The following CAT variants were observed in gnomAD, a reference collection of about 807,000 sequenced individuals.
CAT encodes the protein epididymis secretory sperm binding protein.
In CAT, 43 loss-of-function variants were observed where a neutral mutation model predicts 59.0. The observed-to-expected ratio is 0.73, with a 90% CI of 0.57 to 0.94. CAT has a LOEUF of 0.94. Ranked by LOEUF, CAT falls within the 40% of genes least tolerant of loss-of-function variation. The probability of loss-of-function intolerance (pLI) is 0.00; values close to 1 mark genes in which losing one functional copy is unlikely to be tolerated. For synonymous variants in CAT, 218 were observed against 230.9 expected (o/e 0.94, Z 0.51); for missense variants, 664 against 682.9 (o/e 0.97, Z 0.31).
chr11:34,466,697 C>T (rs1360062335), intron 10 of CAT, among the ~76,000 whole-genome samples: 32 of 143,094 alleles, frequency 2.2e-4, no homozygotes, highest in Non-Finnish European at 4.4e-4. Flanking sequence ...AGGAGAATGG[C>T]GTGAACCCGG....
At chr11:34,467,281 C>T (rs774196161) in intron 10 of CAT, among the ~76,000 whole-genome samples, 3 of 152,114 alleles carry the variant, frequency 2.0e-5, no homozygotes, top group Non-Finnish European at 4.4e-5. Flanking sequence ...TCGATGTTTT[C>T]ACGCAATATG....
chr11:34,446,521 T>G (rs539278705), intron 1 of CAT, among the ~76,000 whole-genome samples: 26 of 152,202 alleles, frequency 1.7e-4, no homozygotes, highest in Non-Finnish European at 3.4e-4. Context: ...TTTATCCAAC[T>G]CTGCACCTGC....
chr11:34,450,983 G>A lies in CAT; in HGVS notation c.239-5G>A, dbSNP rs34503767. The A allele has an allele frequency of 8.6e-4, 1,377 of 1,592,782 alleles. 10 individuals carry two copies. In the East Asian group the frequency reaches 0.012, roughly 14 times the overall value. ...TGGTAAGGATTTCTGTGTCTTTCTC[G>A]TTAGGGGCCTTTGGCTACTTTGAGG... On this transcript the variant is annotated splice_region_variant and splice_polypyrimidine_tract_variant and intron_variant, in intron 2 of 12. Transcript: ENST00000241052.
intron 1 of CAT, among the ~76,000 whole-genome samples, chr11:34,445,511 A>G (rs1338767161): frequency 6.7e-6 from 1 of 150,340 alleles, no homozygotes; most frequent in Non-Finnish European, 1.5e-5. Context: ...AAAAAAAAAA[A>G]AAAAAAAAAA....
intron 1 of CAT, 127 bp downstream of exon 1, chr11:34,439,206 G>C: frequency 1.1e-6 from 1 of 907,544 alleles, no homozygotes. Context: ...TGGGCAGGGG[G>C]GATCCCCTTC....
chr11:34,461,692 A>G (rs1237307474), intron 9 of CAT, among the ~76,000 whole-genome samples: 5 of 152,244 alleles, frequency 3.3e-5, no homozygotes, highest in South Asian at 2.1e-4. Context: ...GAGTACAGTA[A>G]CATCCAGCTT....
At position 34,464,216 on chromosome 11, in the gene CAT, A is replaced by T. The variant is rs1293014979; in HGVS notation, c.1307A>T (p.Asn436Ile). The T allele has an allele frequency of 1.2e-6, 2 of 1,614,134 alleles. No individual in the cohort carries two copies. The highest frequency in any genetic ancestry group is 8.5e-7 in the Non-Finnish European group (1 of 1,179,968). The change falls in exon 10 of 13, where the codon AAT becomes ATT. Residue 436 changes from asparagine (N) to isoleucine (I), a missense_variant. Physicochemically the swap from Asn to Ile is moderately radical, Grantham distance 149. Coordinates refer to ENST00000241052, the MANE Select transcript of CAT (RefSeq NM_001752.4). Reference sequence around the variant, plus strand: ...GAAGTGCGGAGATTCAACACTGCCAATGATGATAACGTTACTCAGGTAATG... The same window carrying T: ...GAAGTGCGGAGATTCAACACTGCCATTGATGATAACGTTACTCAGGTAATG... ...SGEVRRFNTA[N>I]DDNVTQVRAF...
chr11:34,471,147 C>T (rs1856768707), intron 12 of CAT, 106 bp downstream of exon 12: 2 of 1,007,620 alleles, frequency 2.0e-6, no homozygotes, highest in East Asian at 2.4e-5. Flanking sequence ...CATTACCTGC[C>T]ACTGTTAGAT....
At chr11:34,459,902 G>A (rs576396816) in intron 8 of CAT, among the ~76,000 whole-genome samples, 31 of 152,310 alleles carry the variant, frequency 2.0e-4, no homozygotes, top group African/African-American at 7.5e-4. Context: ...GGTCATGGCC[G>A]CATGGCTAGT....
chr11:34,449,477 G>A (rs1856497100), intron 2 of CAT, 114 bp downstream of exon 2: 5 of 890,728 alleles, frequency 5.6e-6, no homozygotes, highest in Non-Finnish European at 8.9e-6. Context: ...CCATTTGTGG[G>A]AGAAAGGAAA....
rs987019048 is a variant in CAT at position 34,452,141 on chromosome 11, A to T, written c.414A>T (p.Thr138=). The T allele has an allele frequency of 6.2e-7, 1 of 1,613,814 alleles. No homozygotes were observed. The highest frequency in any genetic ancestry group is 8.5e-7 in the Non-Finnish European group (1 of 1,179,726). ...GTGGGTTTGCAGTGAAATTTTACAC[A>T]GAAGATGGTAACTGGGATCTCGTTG... is the stretch of plus-strand genomic sequence containing the variant. ...DPRGFAVKFY[T]EDGNWDLVGN... Residue 138 remains threonine, a synonymous_variant, in exon 4 of 13, where the codon ACA becomes ACT. Transcript: ENST00000241052.
In CAT at chr11:34,456,050, G is replaced by A. The variant is rs1266482047; in HGVS notation, c.751G>A (p.Ala251Thr). The A allele has an allele frequency of 1.4e-5, 23 of 1,613,894 alleles. No individual in the cohort carries two copies. The highest frequency in any genetic ancestry group is 1.6e-5 in the Non-Finnish European group (19 of 1,180,018). Residue 251 changes from alanine to threonine, a missense_variant, in exon 7 of 13, where the codon GCG (alanine) becomes ACG (threonine). By Grantham distance (58) the Ala-to-Thr change is moderately conservative. Transcript: ENST00000241052. ...CAAAAACCTTTCTGTTGAAGATGCG[G>A]CGAGACTTTCCCAGGAAGATCCTGA... The part of the protein sequence containing the change: ...GIKNLSVEDA[A>T]RLSQEDPDYG...
chr11:34,438,992 T>G lies in CAT; in HGVS notation c.-22T>G. ...CACGAGCCGAGGCCTCCTGCAGTGT[T>G]CTGCACAGCAAACCGCACGCTATGG... On this transcript the variant is annotated 5_prime_UTR_variant, in exon 1 of 13. Coordinates refer to ENST00000241052, the MANE Select transcript of CAT (RefSeq NM_001752.4). The G allele has an allele frequency of 6.3e-7, 1 of 1,574,830 alleles. No homozygotes were observed. Among genetic ancestry groups the G allele is most frequent in the Non-Finnish European group, 8.6e-7 (1 of 1,159,496 alleles).
Position 34,442,595 on chromosome 11 carries a change from C to G in CAT, c.66+3516C>G, listed in dbSNP as rs1856404353. On this transcript the variant is annotated intron_variant, in intron 1 of 12. Coordinates refer to ENST00000241052, the MANE Select transcript of CAT (RefSeq NM_001752.4). ...CAGCCTGGGCAACAAGAGTGAAACT[C>G]CATCTCAAAAAGAAAAAAAAAGAAA... Among the ~76,000 whole-genome samples the G allele has an allele frequency of 2.0e-5, 3 of 152,146 alleles. No homozygotes were observed. In the South Asian group the frequency reaches 6.2e-4, roughly 32 times the overall value.
At chr11:34,461,077 A>C (rs1056530612) in intron 8 of CAT, 174 bp from the exon 9 acceptor site, 103 of 751,774 alleles carry the variant, frequency 1.4e-4, no homozygotes, top group Non-Finnish European at 2.4e-4. Flanking sequence ...TCAGTTAGGG[A>C]GAACTCGTTT....
chr11:34,452,101 C>G lies in CAT; in HGVS notation c.374C>G (p.Thr125Arg). Residue 125 changes from threonine (T) to arginine (R), a missense_variant, in exon 4 of 13, where the codon ACA becomes AGA. By Grantham distance (71) the Thr-to-Arg change is moderately conservative. Coordinates refer to ENST00000241052, the MANE Select transcript of CAT (RefSeq NM_001752.4). ...TVAGESGSADTVRDPRGFAVK... is the reference protein window; with the variant it reads ...TVAGESGSADRVRDPRGFAVK... ...GCTGGAGAATCGGGTTCAGCTGACA[C>G]AGTTCGGGACCCTCGTGGGTTTGCA... 2 of 1,613,848 alleles carry G rather than the reference C, an allele frequency of 1.2e-6. No homozygotes were observed. Among genetic ancestry groups the G allele is most frequent in the Non-Finnish European group, 1.7e-6 (2 of 1,179,794 alleles).
chr11:34,466,012 G>A (rs1856710890), intron 10 of CAT, among the ~76,000 whole-genome samples: 1 of 152,182 alleles, frequency 6.6e-6, no homozygotes, highest in Non-Finnish European at 1.5e-5. Context: ...GAAGCTGAGT[G>A]GTGTTTACAG....
chr11:34,453,705 A>G, intron 5 of CAT, 96 bp from the exon 6 acceptor site: 2 of 1,172,290 alleles, frequency 1.7e-6, no homozygotes, highest in South Asian at 1.2e-5. Context: ...GTTTTATGTC[A>G]TTAAGGGACT....
intron 6 of CAT, among the ~76,000 whole-genome samples, chr11:34,454,490 A>G (rs1856566260): frequency 6.6e-6 from 1 of 152,166 alleles, no homozygotes; most frequent in African/African-American, 2.4e-5. Flanking sequence ...AAGCCTGAGA[A>G]CCTCTGTTTC....
Sources: gnomAD v4.1 joint callset for allele counts (sites outside exome capture counted in the v4.1 genomes callset) on GRCh38, gnomAD v4.1.1 for gene constraint, MANE v1.5 for transcripts, NCBI Gene and HGNC (gene_info 2026-07-23, HGNC 2026-07-21) for gene names.